The following DCDC1 variants were observed in gnomAD, a reference collection of about 807,000 sequenced individuals.
DCDC1 encodes doublecortin domain-containing protein 1.
A neutral mutation model predicts 178.3 loss-of-function variants in DCDC1; 200 were observed. That is an observed-to-expected ratio of 1.12 (90% CI 1.00 to 1.26). The LOEUF (loss-of-function observed/expected upper bound fraction) is 1.26, where lower values mean the gene tolerates loss of function less well. Among genes scored for constraint, DCDC1 ranks in the 50% most tolerant of loss-of-function variants. The pLI is 0.00. For missense variants in DCDC1, 1,983 were observed against 1,749.2 expected, an observed-to-expected ratio of 1.13 and a Z score of -2.38; for synonymous variants, 690 against 604.8, an observed-to-expected ratio of 1.14 and a Z score of -2.07.
intron 2 of DCDC1, among the ~76,000 whole-genome samples, chr11:31,330,791 G>A (rs548050474): frequency 2.6e-5 from 4 of 152,204 alleles, no homozygotes; most frequent in Admixed American, 1.3e-4. Flanking sequence ...TGCTGTTTTG[G>A]TTACTGTAGC....
At chr11:31,190,746 G>A (rs158142) in intron 9 of DCDC1, among the ~76,000 whole-genome samples, 90,512 of 151,924 alleles carry the variant, frequency 0.6, 27,398 homozygotes, top group East Asian at 0.93. Context: ...AAAAGCTTAT[G>A]TTGTGTTTTG....
chr11:31,135,856 A>G (rs1289155537), intron 10 of DCDC1, among the ~76,000 whole-genome samples: 1 of 152,132 alleles, frequency 6.6e-6, no homozygotes, highest in Non-Finnish European at 1.5e-5. Flanking sequence ...TTTCCAGAAA[A>G]GATAATTTTC....
chr11:31,096,591 T>C (rs1958166187), intron 15 of DCDC1, among the ~76,000 whole-genome samples: 1 of 152,174 alleles, frequency 6.6e-6, no homozygotes, highest in Non-Finnish European at 1.5e-5. Context: ...GCACCCAGTA[T>C]TAACACCATG....
Position 31,254,421 on chromosome 11 carries a change from T to C in DCDC1, c.1054+11086A>G, listed in dbSNP as rs376002186. On this transcript the variant is annotated intron_variant, in intron 8 of 38. Coordinates refer to ENST00000684477, the MANE Select transcript of DCDC1 (RefSeq NM_001387274.1). ...TGTAACATTTTGAACAACAAAAAAA[T>C]TGAGGGATATTTAGGGAGATTACTC... is the stretch of plus-strand genomic sequence containing the variant. Among the ~76,000 whole-genome samples, 11 of 152,192 alleles carry C rather than the reference T, an allele frequency of 7.2e-5. No homozygotes were observed. The East Asian group carries it at 2.1e-3, about 29-fold the overall frequency.
rs1357495271 is a variant in DCDC1 at position 31,335,514 on chromosome 11, G to C, written c.-74C>G. The C allele has an allele frequency of 6.6e-6, 1 of 152,244 alleles. No individual in the cohort carries two copies. Among genetic ancestry groups the C allele is most frequent in the Non-Finnish European group, 1.5e-5 (1 of 68,082 alleles). The allele number at this position is 152,244 out of a possible 1,614,324, so 9.4% of individuals were successfully genotyped here. On this transcript the variant is annotated 5_prime_UTR_variant, in exon 2 of 39. Coordinates refer to ENST00000684477, the MANE Select transcript of DCDC1 (RefSeq NM_001387274.1). ...ACGCTGGGAGCTGCAGGCTGGAGCT[G>C]TTCCTATTTGGCCATCTTGGAATGG...
chr11:31,180,172 T>A (rs1013886000), intron 9 of DCDC1, among the ~76,000 whole-genome samples: 4 of 152,164 alleles, frequency 2.6e-5, no homozygotes, highest in Admixed American at 2.6e-4. Flanking sequence ...AGCTAGCCAA[T>A]GGGTATAAAG....
At chr11:30,881,843 G>A (rs1590209045) in intron 36 of DCDC1, among the ~76,000 whole-genome samples, 1 of 152,220 alleles carries the variant, frequency 6.6e-6, no homozygotes, top group African/African-American at 2.4e-5. Context: ...AAGCTTCCTA[G>A]AGAGGCCTTA....
intron 17 of DCDC1, among the ~76,000 whole-genome samples, chr11:31,089,793 T>C (rs1162899680): frequency 6.6e-6 from 1 of 152,204 alleles, no homozygotes; most frequent in African/African-American, 2.4e-5. Context: ...TTTTATATCT[T>C]CCATGTATTT....
At chr11:31,350,122 T>G (rs1046867780) in intron 1 of DCDC1, among the ~76,000 whole-genome samples, 1 of 152,182 alleles carries the variant, frequency 6.6e-6, no homozygotes, top group African/African-American at 2.4e-5. Context: ...AATTACTTTT[T>G]GGAAATAAAT....
intron 1 of DCDC1, among the ~76,000 whole-genome samples, chr11:31,340,197 TAAGTTA>T (rs1950472236): frequency 6.6e-6 from 1 of 151,030 alleles, no homozygotes; most frequent in Admixed American, 6.6e-5. Context: ...AAAAGGCCTT[TAAGTTA>T]AATTGCTGGA....
rs1232334848 is a variant in DCDC1 at position 31,008,575 on chromosome 11, T to C, written c.2591+55894A>G. On this transcript the variant is annotated intron_variant, in intron 20 of 38. Coordinates refer to ENST00000684477, the MANE Select transcript of DCDC1 (RefSeq NM_001387274.1). ...TATATCTCTCATGTGTAACAGTTTC[T>C]TGGGACCAGACATTCCGCCTCAGTT... is the stretch of plus-strand genomic sequence containing the variant. 2.0e-5 allele frequency among the ~76,000 whole-genome samples: 3 copies of C among 152,202 alleles called. No individual in the cohort carries two copies. The East Asian group carries it at 5.8e-4, about 29-fold the overall frequency.
chr11:30,919,724 A>C (rs1188367423), intron 25 of DCDC1, among the ~76,000 whole-genome samples: 1 of 152,178 alleles, frequency 6.6e-6, no homozygotes, highest in Non-Finnish European at 1.5e-5. Context: ...CCTAAAATAA[A>C]CGTTCATATT....
intron 9 of DCDC1, among the ~76,000 whole-genome samples, chr11:31,170,745 T>C (rs2136219309): frequency 6.6e-6 from 1 of 152,338 alleles, no homozygotes; most frequent in Admixed American, 6.5e-5. Context: ...AGGTTTACTC[T>C]TTAGGCACAA....
At chr11:31,230,720 T>C (rs1248245399) in intron 9 of DCDC1, among the ~76,000 whole-genome samples, 1 of 152,212 alleles carries the variant, frequency 6.6e-6, no homozygotes, top group Non-Finnish European at 1.5e-5. Flanking sequence ...TAGAAAACTA[T>C]GTACCAACAT....
intron 18 of DCDC1, among the ~76,000 whole-genome samples, chr11:31,074,617 C>T (rs1375671646): frequency 6.6e-6 from 1 of 152,122 alleles, no homozygotes; most frequent in Non-Finnish European, 1.5e-5. Context: ...ACTCCCCAGC[C>T]CTCAGAAGTA....
chr11:31,253,006 A>T (rs1343412882), intron 8 of DCDC1, among the ~76,000 whole-genome samples: 1 of 152,152 alleles, frequency 6.6e-6, no homozygotes, highest in Non-Finnish European at 1.5e-5. Context: ...GAAAAAAAAT[A>T]GTCATTATCA....
At chr11:31,117,804 T>G (rs143400827) in intron 11 of DCDC1, among the ~76,000 whole-genome samples, 46 of 152,258 alleles carry the variant, frequency 3.0e-4, no homozygotes, top group African/African-American at 1.1e-3. Flanking sequence ...AAAGGAAATT[T>G]GCTTGCGTGT....
intron 20 of DCDC1, among the ~76,000 whole-genome samples, chr11:30,988,578 T>C (rs142693841): frequency 0.011 from 1,643 of 152,268 alleles, 29 homozygotes; most frequent in African/African-American, 0.038. Context: ...TCTTTCTGCT[T>C]CTAGAACATA....
intron 1 of DCDC1, among the ~76,000 whole-genome samples, chr11:31,346,553 T>G (rs1950828449): frequency 6.6e-6 from 1 of 152,106 alleles, no homozygotes; most frequent in South Asian, 2.1e-4. Flanking sequence ...CAAACTTTCT[T>G]CAGACATACA....
Sources: gnomAD v4.1 joint callset for allele counts (sites outside exome capture counted in the v4.1 genomes callset) on GRCh38, gnomAD v4.1.1 for gene constraint, MANE v1.5 for transcripts, NCBI Gene and HGNC (gene_info 2026-07-23, HGNC 2026-07-21) for gene names.